Variants in CNNM4 observed in about 807,000 individuals in gnomAD.
The protein encoded by CNNM4 is cyclin and CBS domain divalent metal cation transport mediator 4, also known as metal transporter CNNM4.
A neutral mutation model predicts 53.7 loss-of-function variants in CNNM4; 32 were observed. The ratio of observed to expected loss-of-function variants is 0.60; its 90% CI spans 0.45 to 0.80. CNNM4 has a LOEUF of 0.80. CNNM4 is among the 30% of genes least tolerant of loss of function. The probability of loss-of-function intolerance (pLI) is 0.00; values close to 1 mark genes in which losing one functional copy is unlikely to be tolerated. For missense variants in CNNM4, 784 were observed against 1,022.0 expected (o/e 0.77, Z 3.17); for synonymous variants, 410 against 440.0 (o/e 0.93, Z 0.85).
chr2:96,786,131 G>A (rs1467379752), intron 1 of CNNM4, among the ~76,000 whole-genome samples: 1 of 151,634 alleles, frequency 6.6e-6, no homozygotes, highest in Admixed American at 6.6e-5. Context: ...AAAAAGTAAA[G>A]ATAGGCCTGG....
intron 1 of CNNM4, among the ~76,000 whole-genome samples, chr2:96,774,307 T>C (rs895767710): frequency 3.9e-5 from 6 of 152,204 alleles, no homozygotes; most frequent in African/African-American, 1.4e-4. Context: ...CCATCTTGCC[T>C]CCGCAACAAA....
intron 5 of CNNM4, among the ~76,000 whole-genome samples, chr2:96,807,295 CG>C (rs1405668824): frequency 6.6e-6 from 1 of 152,166 alleles, no homozygotes; most frequent in East Asian, 1.9e-4. Context: ...TGAGCCACCT[CG>C]CCCAGCCCCT....
At chr2:96,781,510 G>T (rs917107408) in intron 1 of CNNM4, among the ~76,000 whole-genome samples, 15 of 152,124 alleles carry the variant, frequency 9.9e-5, no homozygotes, top group Admixed American at 9.8e-4. Flanking sequence ...CACCATGCCC[G>T]CACCTGATTA....
Position 96,808,580 on chromosome 2 carries a change from C to G in CNNM4, c.1968C>G (p.Pro656=), listed in dbSNP as rs748121320. The change falls in exon 6 of 7, where the codon CCC becomes CCG. Residue 656 remains proline (P), a synonymous_variant. Transcript: ENST00000377075. The surrounding 1 kb of genome is among the most constrained non-coding windows in gnomAD (Gnocchi z 4.9). ...CTGCAGACCGTTCCCCAGCACACCC[C>G]ACCCCACTCAGCCGCTCAGCCTCCC... ...SVPSDRSPAH[P]TPLSRSASLS... is the part of the protein sequence containing the mutation. The G allele has an allele frequency of 2.5e-6, 4 of 1,613,942 alleles. No individual in the cohort carries two copies. The highest frequency in any genetic ancestry group is 3.4e-6 in the Non-Finnish European group (4 of 1,180,010).
chr2:96,787,287 C>T (rs577376977), intron 1 of CNNM4, among the ~76,000 whole-genome samples: 1 of 152,194 alleles, frequency 6.6e-6, no homozygotes, highest in Non-Finnish European at 1.5e-5. Flanking sequence ...GTTCTCCTGC[C>T]AACACTGAGA....
At chr2:96,790,726 T>TC (rs1269161833) in intron 1 of CNNM4, among the ~76,000 whole-genome samples, 2 of 146,600 alleles carry the variant, frequency 1.4e-5, no homozygotes, top group African/African-American at 5.0e-5. Flanking sequence ...ACCCTTGTAA[T>TC]CCCAGCACTT....
At chr2:96,767,072 T>A (rs1247857911) in intron 1 of CNNM4, among the ~76,000 whole-genome samples, 1 of 152,034 alleles carries the variant, frequency 6.6e-6, no homozygotes, top group Non-Finnish European at 1.5e-5. Flanking sequence ...CTTCCCTCAT[T>A]AGATGAGTCA....
At position 96,801,667 on chromosome 2, in the gene CNNM4, C is replaced by T. The variant is rs1403550564; in HGVS notation, c.1948+2019C>T. Among the ~76,000 whole-genome samples, 1 of 150,528 alleles carries T rather than the reference C, an allele frequency of 6.6e-6. No homozygotes were observed. The highest frequency in any genetic ancestry group is 1.5e-5 in the Non-Finnish European group (1 of 67,600). On this transcript the variant is annotated intron_variant, in intron 5 of 6. Transcript: ENST00000377075. This position sits in a 1 kb window ranked among gnomAD's most constrained non-coding sequence, Gnocchi z 5.6. ...CACATGCAGAGAGACCACACACACA[C>T]ACACACAGAGACCACACGCAGAGAG... is the stretch of plus-strand genomic sequence containing the variant.
chr2:96,767,852 T>C (rs2078832349), intron 1 of CNNM4, among the ~76,000 whole-genome samples: 1 of 152,176 alleles, frequency 6.6e-6, no homozygotes, highest in African/African-American at 2.4e-5. Context: ...GGTGGGTCAC[T>C]TGAGGCTAGG....
intron 5 of CNNM4, among the ~76,000 whole-genome samples, chr2:96,806,101 C>A (rs1438240453): frequency 6.8e-6 from 1 of 147,500 alleles, no homozygotes; most frequent in Non-Finnish European, 1.5e-5. Context: ...ACCTCCCTCC[C>A]GGAGGGGGCG....
chr2:96,809,715 T>C lies in CNNM4; in HGVS notation c.*198T>C. 1 of 535,182 alleles carries C rather than the reference T, an allele frequency of 1.9e-6. No individual in the cohort carries two copies. The highest frequency in any genetic ancestry group is 2.9e-5 in the East Asian group (1 of 34,404). 33.2% of individuals were successfully genotyped at this position (535,182 alleles called of 1,614,324 possible). On this transcript the variant is annotated 3_prime_UTR_variant, in exon 7 of 7. Transcript: ENST00000377075. Reference sequence around the variant, plus strand: ...GCTCTGAGGTGGCACTGTCCAGCCCTGGATAGGGGGGGCAGTGGGCCAGCT... The same window carrying C: ...GCTCTGAGGTGGCACTGTCCAGCCCCGGATAGGGGGGGCAGTGGGCCAGCT...
chr2:96,784,790 G>A (rs1253843597), intron 1 of CNNM4, among the ~76,000 whole-genome samples: 4 of 152,216 alleles, frequency 2.6e-5, no homozygotes, highest in Non-Finnish European at 5.9e-5. Flanking sequence ...CTCTCTCCTG[G>A]GAACATGGTC....
chr2:96,806,554 C>CGCGCG (rs3835983), intron 5 of CNNM4, among the ~76,000 whole-genome samples: 2 of 151,082 alleles, frequency 1.3e-5, no homozygotes, highest in Admixed American at 6.6e-5. Flanking sequence ...CGCGCGCGCG[C>CGCGCG]CCTTAGTTAA....
intron 1 of CNNM4, among the ~76,000 whole-genome samples, chr2:96,795,344 A>G (rs1293955205): frequency 6.6e-6 from 1 of 152,236 alleles, no homozygotes; most frequent in African/African-American, 2.4e-5. Context: ...GCTCATCTCT[A>G]GGAAGATACT....
intron 1 of CNNM4, among the ~76,000 whole-genome samples, chr2:96,790,297 C>T (rs55806522): frequency 0.021 from 3,131 of 152,046 alleles, 96 homozygotes; most frequent in African/African-American, 0.07. Flanking sequence ...TGAGCCACCG[C>T]ACCCGGCCTA....
chr2:96,809,326 C>G lies in CNNM4; in HGVS notation c.2137C>G (p.Arg713Gly), dbSNP rs552453867. 4 of 1,614,086 alleles carry G rather than the reference C, an allele frequency of 2.5e-6. No individual in the cohort carries two copies. The highest frequency in any genetic ancestry group is 3.4e-6 in the Non-Finnish European group (4 of 1,180,006). Residue 713 changes from arginine to glycine, a missense_variant, in exon 7 of 7, where the codon CGG becomes GGG. Around this residue, in one of 3 missense-constraint regions of CNNM4, gnomAD observed 307 missense variants for 376.3 expected, o/e 0.82. Transcript: ENST00000377075. ...LVDLQYIKIT[R>G]QQYQNGLLAS... is the part of the protein sequence containing the mutation. Reference sequence around the variant, plus strand: ...TCATCCCTTCCTCATGCAGATCACTCGGCAGCAGTACCAGAACGGGCTGCT... The same window carrying G: ...TCATCCCTTCCTCATGCAGATCACTGGGCAGCAGTACCAGAACGGGCTGCT...
intron 1 of CNNM4, among the ~76,000 whole-genome samples, chr2:96,778,809 G>A (rs1027333293): frequency 6.6e-5 from 10 of 151,866 alleles, no homozygotes; most frequent in Non-Finnish European, 4.4e-5. Flanking sequence ...CCCACTCTGC[G>A]GATTTTAGCC....
intron 1 of CNNM4, among the ~76,000 whole-genome samples, chr2:96,788,352 G>A (rs1163968362): frequency 5.3e-5 from 8 of 151,806 alleles, no homozygotes; most frequent in African/African-American, 1.9e-4. Flanking sequence ...CAGCCTTCTG[G>A]TCTTCTGGCC....
At chr2:96,802,906 C>T (rs1329049811) in intron 5 of CNNM4, among the ~76,000 whole-genome samples, 3 of 152,238 alleles carry the variant, frequency 2.0e-5, no homozygotes, top group Non-Finnish European at 2.9e-5. Context: ...GGGCACAGGA[C>T]GGTGCTGGTC....
Sources: gnomAD v4.1 joint callset for allele counts (sites outside exome capture counted in the v4.1 genomes callset) on GRCh38, gnomAD v4.1.1 for gene constraint, gnomAD v4.1.1 regional missense constraint, Gnocchi (gnomAD v3.1) non-coding constraint, MANE v1.5 for transcripts, NCBI Gene and HGNC (gene_info 2026-07-23, HGNC 2026-07-21) for gene names.